DACH2: variants seen among roughly 807,000 people sequenced by gnomAD.
DACH2 encodes the protein dachshund family transcription factor 2.
In DACH2, 17 loss-of-function variants were observed where a neutral mutation model predicts 35.8. The ratio of observed to expected loss-of-function variants is 0.48; its 90% CI spans 0.33 to 0.71. DACH2 has a LOEUF of 0.71. Ranked by LOEUF, DACH2 falls within the 30% of genes least tolerant of loss-of-function variation. The pLI is 0.02. For missense variants in DACH2, 469 were observed against 472.7 expected, an observed-to-expected ratio of 0.99 and a Z score of 0.07; for synonymous variants, 195 against 177.3, an observed-to-expected ratio of 1.10 and a Z score of -0.79.
At chrX:86,751,130 T>C (rs1050881974) in intron 7 of DACH2, among the ~76,000 whole-genome samples, 2 of 110,954 alleles carry the variant, frequency 1.8e-5, no homozygotes, top group African/African-American at 6.6e-5. Context: ...ATACCAAAAC[T>C]TGGCACCAAA....
intron 1 of DACH2, chrX:86,161,199 A>T: frequency 8.5e-7 from 1 of 1,179,072 alleles, no homozygotes; most frequent in South Asian, 1.8e-5. Flanking sequence ...CATTTTGTTA[A>T]CACCAACAAT....
chrX:86,311,338 G>A (rs1189711918), intron 1 of DACH2, among the ~76,000 whole-genome samples: 1 of 111,961 alleles, frequency 8.9e-6, no homozygotes, highest in East Asian at 2.8e-4. Context: ...AGTGAGCTCA[G>A]GCTTATGGAA....
intron 2 of DACH2, among the ~76,000 whole-genome samples, chrX:86,384,113 A>C (rs1277678454): frequency 9.0e-6 from 1 of 110,660 alleles, no homozygotes. Context: ...ATATCTATAA[A>C]TCTATACACC....
intron 6 of DACH2, among the ~76,000 whole-genome samples, chrX:86,719,507 G>T (rs1362586231): frequency 9.0e-6 from 1 of 111,242 alleles, no homozygotes; most frequent in Non-Finnish European, 1.9e-5. Flanking sequence ...AAGCTGCTAT[G>T]AAGAAATACC....
intron 4 of DACH2, among the ~76,000 whole-genome samples, chrX:86,679,614 C>G (rs867603482): frequency 1.2e-5 from 1 of 85,107 alleles, no homozygotes; most frequent in Non-Finnish European, 2.3e-5. Flanking sequence ...CTCTCTCTGT[C>G]TCTGTGTGTG....
chrX:86,585,822 A>T (rs916606114), intron 3 of DACH2, among the ~76,000 whole-genome samples: 4 of 111,420 alleles, frequency 3.6e-5, no homozygotes, highest in African/African-American at 1.3e-4. Context: ...ATTGATGGGA[A>T]TTTAGGTTGA....
chrX:86,666,293 A>ATG (rs143997734), intron 4 of DACH2, among the ~76,000 whole-genome samples: 45 of 89,426 alleles, frequency 5.0e-4, no homozygotes, highest in South Asian at 1.5e-3. Flanking sequence ...TTGGAGTGGG[A>ATG]TGTGTGTGTG....
chrX:86,617,336 A>G (rs963012647), intron 3 of DACH2, among the ~76,000 whole-genome samples: 2 of 110,463 alleles, frequency 1.8e-5, no homozygotes, highest in African/African-American at 6.6e-5. Context: ...GTTTGATAGG[A>G]ATAGCATTGA....
At chrX:86,809,058 A>G (rs12852590) in intron 7 of DACH2, among the ~76,000 whole-genome samples, 36,517 of 110,817 alleles carry the variant, frequency 0.33, 4,850 homozygotes, top group Middle Eastern at 0.44. Context: ...AAGTGCTATT[A>G]CAAAGTATGG....
At chrX:86,763,674 G>A (rs771073657) in intron 7 of DACH2, among the ~76,000 whole-genome samples, 6 of 111,004 alleles carry the variant, frequency 5.4e-5, no homozygotes, top group Non-Finnish European at 1.1e-4. Context: ...GGATGGTCTC[G>A]ATCTCCTGAC....
At chrX:86,428,460 C>G (rs1349848804) in intron 2 of DACH2, among the ~76,000 whole-genome samples, 1 of 111,740 alleles carries the variant, frequency 8.9e-6, no homozygotes, top group Non-Finnish European at 1.9e-5. Context: ...CATGCTAATG[C>G]CTCTTTGATT....
In DACH2 at chrX:86,487,487, C is replaced by G. The variant is rs191363589; in HGVS notation, c.528-26792C>G. Among the ~76,000 whole-genome samples the G allele has an allele frequency of 1.6e-4, 18 of 111,705 alleles. No homozygotes were observed. In the East Asian group the frequency reaches 3.7e-3, roughly 23 times the overall value. On this transcript the variant is annotated intron_variant, in intron 2 of 11. Transcript: ENST00000373125. ...GATCTTGCAGAGCATTTTGCACCAG[C>G]TAGGTGGTCAGTAAATATTTATTTA...
intron 7 of DACH2, among the ~76,000 whole-genome samples, chrX:86,754,622 T>C (rs1001380900): frequency 9.0e-6 from 1 of 111,332 alleles, no homozygotes; most frequent in Admixed American, 9.6e-5. Flanking sequence ...CATTTTTCTC[T>C]CCACCTCCAT....
At chrX:86,621,999 A>G (rs962354537) in intron 3 of DACH2, among the ~76,000 whole-genome samples, 1 of 111,661 alleles carries the variant, frequency 9.0e-6, no homozygotes, top group Admixed American at 9.5e-5. Context: ...TCCCTTTCAT[A>G]TTTTTGGAAA....
chrX:86,504,477 CTTATTTATTTATTTAT>C lies in DACH2; in HGVS notation c.528-9779_528-9764del, dbSNP rs200198428. ...AAAGTGAGGGAGGGAAAAAATAGATCTTATTTATTTATTTATTTATTTATTTATTTATTTATTTTAA... is the reference window on the plus strand; with the variant it reads ...AAAGTGAGGGAGGGAAAAAATAGATCTTATTTATTTATTTATTTATTTTAA... On this transcript the variant is annotated intron_variant, in intron 2 of 11. Transcript: ENST00000373125. Among the ~76,000 whole-genome samples the C allele has an allele frequency of 8.8e-5, 9 of 101,720 alleles. No individual in the cohort carries two copies. In the East Asian group the frequency reaches 1.5e-3, roughly 17 times the overall value. The allele number at this position is 101,720 out of a possible 115,157, so 88.3% of individuals were successfully genotyped here. A position where few individuals can be genotyped will look rare whatever the true frequency, so the allele number is the denominator to read the frequency against.
At chrX:86,313,664 T>C (rs2034842768) in intron 1 of DACH2, among the ~76,000 whole-genome samples, 1 of 112,233 alleles carries the variant, frequency 8.9e-6, no homozygotes, top group Non-Finnish European at 1.9e-5. Flanking sequence ...ACATGGGTCT[T>C]TACACTATTA....
chrX:86,747,514 T>G (rs2041726379), intron 7 of DACH2, among the ~76,000 whole-genome samples: 1 of 112,033 alleles, frequency 8.9e-6, no homozygotes, highest in Admixed American at 9.5e-5. Flanking sequence ...CACAAATTGA[T>G]TTCTCAGTGC....
chrX:86,184,625 A>G (rs1030530627), intron 1 of DACH2, among the ~76,000 whole-genome samples: 2 of 112,072 alleles, frequency 1.8e-5, no homozygotes, highest in Admixed American at 9.5e-5. Context: ...TTGATATACA[A>G]ACTCATTTTT....
chrX:86,767,943 T>TTTTG lies in DACH2; in HGVS notation c.1240+28081_1240+28084dup, dbSNP rs767565655. ...TTTGTTTGTTTGTTTGTTGTTTGTT[T>TTTTG]TTTGTTTGTTTGTTTGTTTGTTTTT... On this transcript the variant is annotated intron_variant, in intron 7 of 11. Transcript: ENST00000373125. Among the ~76,000 whole-genome samples the TTTTG allele has an allele frequency of 2.4e-3, 271 of 111,304 alleles. 2 individuals carry two copies. The highest frequency in any genetic ancestry group is 8.6e-3 in the African/African-American group (263 of 30,584).
Sources: allele counts gnomAD v4.1 joint callset (sites outside exome capture counted in the v4.1 genomes callset), GRCh38; gene constraint gnomAD v4.1.1; transcripts MANE v1.5; gene names NCBI Gene and HGNC (gene_info 2026-07-23, HGNC 2026-07-21).